The following DLG5 variants were observed in gnomAD, a reference collection of about 807,000 sequenced individuals.
DLG5 encodes the protein discs large MAGUK scaffold protein 5.
DLG5 carries 48 observed loss-of-function variants against 189.8 expected under a neutral mutation model. The observed-to-expected ratio is 0.25, with a 90% CI of 0.20 to 0.32. DLG5 has a LOEUF of 0.32. Ranked by LOEUF, DLG5 falls within the 10% of genes least tolerant of loss-of-function variation. The pLI, the probability that DLG5 is intolerant of heterozygous loss-of-function variation, is 1.00. For missense variants in DLG5, 2,160 were observed against 2,544.7 expected (o/e 0.85, Z 3.25); for synonymous variants, 1,016 against 1,054.1 (o/e 0.96, Z 0.70).
intron 13 of DLG5, chr10:77,824,749 C>T: frequency 2.6e-6 from 1 of 391,870 alleles, no homozygotes; most frequent in South Asian, 5.4e-5. Context: ...GAGGGAACAT[C>T]TTGGCACTGC....
At chr10:77,920,469 C>T (rs1282490028) in intron 1 of DLG5, among the ~76,000 whole-genome samples, 3 of 152,170 alleles carry the variant, frequency 2.0e-5, no homozygotes, top group Non-Finnish European at 4.4e-5. Context: ...TGCGTGACAT[C>T]GCTGCTGCTT....
chr10:77,869,305 G>A (rs756013220), intron 1 of DLG5, 108 bp from the exon 2 acceptor site: 3 of 1,045,630 alleles, frequency 2.9e-6, no homozygotes, highest in Non-Finnish European at 4.3e-6. Flanking sequence ...ACATGCACCA[G>A]GCACTAGAAA....
chr10:77,921,111 T>C (rs1463125756), intron 1 of DLG5, among the ~76,000 whole-genome samples: 1 of 152,214 alleles, frequency 6.6e-6, no homozygotes, highest in Admixed American at 6.5e-5. Flanking sequence ...CTAAGGAGGC[T>C]GAGGCAGGAG....
rs1166753840 is a variant in DLG5, at chr10:77,833,937, G to A, written c.1725C>T (p.Val575=). 1.2e-6 allele frequency: 2 copies of A among 1,606,740 alleles called. No homozygotes were observed. Among genetic ancestry groups the A allele is most frequent in the African/African-American group, 2.7e-5 (2 of 75,024 alleles). ...ACTTGAGCTCCTTCAGCTCGCGGCTGACATCATTCTTCTGCTTGCGGGTGT... is the reference window on the plus strand; with the variant it reads ...ACTTGAGCTCCTTCAGCTCGCGGCTAACATCATTCTTCTGCTTGCGGGTGT... ...LDDTRKQKND[V]SRELKELKEQ... Residue 575 remains valine (V), a synonymous_variant, in exon 9 of 32, where the codon GTC becomes GTT. Coordinates refer to ENST00000372391, the MANE Select transcript of DLG5 (RefSeq NM_004747.4).
At chr10:77,884,733 C>T (rs1444991860) in intron 1 of DLG5, among the ~76,000 whole-genome samples, 1 of 152,132 alleles carries the variant, frequency 6.6e-6, no homozygotes, top group Non-Finnish European at 1.5e-5. Context: ...GAGAGTTTGG[C>T]TATCAGAGGC....
At chr10:77,795,609 T>C (rs969188786) in intron 29 of DLG5, among the ~76,000 whole-genome samples, 4 of 151,988 alleles carry the variant, frequency 2.6e-5, no homozygotes, top group African/African-American at 9.7e-5. Flanking sequence ...GTCCCCGCCC[T>C]CGTGCTGCCT....
chr10:77,876,401 G>GTT (rs1845091312), intron 1 of DLG5, among the ~76,000 whole-genome samples: 1 of 146,146 alleles, frequency 6.8e-6, no homozygotes, highest in Non-Finnish European at 1.5e-5. Context: ...TTGAAAGAGA[G>GTT]TCTCACTCTG....
intron 2 of DLG5, 33 bp from the exon 3 acceptor site, chr10:77,856,925 T>C: frequency 6.3e-7 from 1 of 1,594,300 alleles, no homozygotes; most frequent in Non-Finnish European, 8.6e-7. Flanking sequence ...TGAACTTGTG[T>C]TCATCTGGCA....
At chr10:77,808,313 A>G (rs7917159) in intron 24 of DLG5, among the ~76,000 whole-genome samples, 3,981 of 152,252 alleles carry the variant, frequency 0.026, 187 homozygotes, top group African/African-American at 0.09. Flanking sequence ...TGTCACACAG[A>G]CTGAGTGCAG....
chr10:77,923,429 G>A (rs1300838278), intron 1 of DLG5, among the ~76,000 whole-genome samples: 1 of 152,198 alleles, frequency 6.6e-6, no homozygotes, highest in Admixed American at 6.5e-5. Flanking sequence ...GCAAAAAAGT[G>A]GAGACCTACA....
intron 1 of DLG5, among the ~76,000 whole-genome samples, chr10:77,877,267 G>C (rs753806167): frequency 6.6e-6 from 1 of 150,666 alleles, no homozygotes; most frequent in African/African-American, 2.4e-5. Context: ...CCCTTCACTC[G>C]CTAACTACAG....
chr10:77,895,207 T>C (rs969945546), intron 1 of DLG5, among the ~76,000 whole-genome samples: 1 of 152,204 alleles, frequency 6.6e-6, no homozygotes, highest in Middle Eastern at 3.4e-3. Flanking sequence ...TGGCCCATCA[T>C]ACATCTCTTC....
chr10:77,889,677 T>C (rs1845550036), intron 1 of DLG5, among the ~76,000 whole-genome samples: 1 of 152,170 alleles, frequency 6.6e-6, no homozygotes, highest in African/African-American at 2.4e-5. Flanking sequence ...AAGAAGGGGT[T>C]AGGCAGGGTC....
At chr10:77,890,206 G>A (rs1845565231) in intron 1 of DLG5, among the ~76,000 whole-genome samples, 1 of 152,222 alleles carries the variant, frequency 6.6e-6, no homozygotes, top group African/African-American at 2.4e-5. Flanking sequence ...ACGGCAAGCA[G>A]CTTCTCAAAG....
intron 1 of DLG5, among the ~76,000 whole-genome samples, chr10:77,918,037 C>CA: frequency 6.7e-6 from 1 of 148,396 alleles, no homozygotes; most frequent in East Asian, 2.0e-4. Context: ...AAACAAAAAA[C>CA]AAAAAACTTA....
rs2154574796 is a variant in DLG5, at chr10:77,795,971, T to G, written c.5436+90A>C. 9 of 1,588,300 alleles carry G rather than the reference T, an allele frequency of 5.7e-6. No homozygotes were observed. The East Asian group carries it at 2.0e-4, about 36-fold the overall frequency. On this transcript the variant is annotated intron_variant, in intron 29 of 31. Transcript: ENST00000372391. ...TGGGCTCACTGAAGGTCTGAGCCGC[T>G]GGGGCAGAGGATCACGGACCAGGGG... is the stretch of plus-strand genomic sequence containing the variant.
Position 77,819,444 on chromosome 10 carries a change from G to A in DLG5, c.3548C>T (p.Thr1183Ile), listed in dbSNP as rs763760034. ...GATGGAGCTCACAGTGGTGCTGGGG[G>A]TCAAACTCCGGGGAACAGTGCCTAG... ...PSVGTVPRSL[T>I]PSTTVSSILR... Residue 1183 changes from threonine (T) to isoleucine (I), a missense_variant, in exon 17 of 32, where the codon ACC (threonine) becomes ATC (isoleucine). By Grantham distance (89) the Thr-to-Ile change is moderately conservative. Coordinates refer to ENST00000372391, the MANE Select transcript of DLG5 (RefSeq NM_004747.4). The A allele has an allele frequency of 1.9e-6, 3 of 1,613,588 alleles. No homozygotes were observed. In the South Asian group the frequency reaches 3.3e-5, roughly 18 times the overall value.
At chr10:77,822,124 TGA>T (rs754210749) in intron 14 of DLG5, 23 bp from the exon 15 acceptor site, 9 of 1,589,946 alleles carry the variant, frequency 5.7e-6, no homozygotes, top group South Asian at 2.3e-5. Context: ...TGCAGAGGAG[TGA>T]GAGAGAGAGT....
intron 1 of DLG5, among the ~76,000 whole-genome samples, chr10:77,896,894 C>G (rs1247749721): frequency 6.6e-6 from 1 of 151,960 alleles, no homozygotes; most frequent in Non-Finnish European, 1.5e-5. Context: ...GTTTATCGTA[C>G]TTTCCCTTCC....
Sources: allele counts gnomAD v4.1 joint callset (sites outside exome capture counted in the v4.1 genomes callset), GRCh38; gene constraint gnomAD v4.1.1; transcripts MANE v1.5; gene names NCBI Gene and HGNC (gene_info 2026-07-23, HGNC 2026-07-21).